Variants in MAP3K9 observed in about 807,000 individuals in gnomAD.
The protein encoded by MAP3K9 is mixed lineage kinase 1 (tyr and ser/thr specificity).
MAP3K9 carries 46 observed loss-of-function variants against 95.8 expected under a neutral mutation model. The observed-to-expected ratio is 0.48, with a 90% CI of 0.38 to 0.61. The LOEUF (loss-of-function observed/expected upper bound fraction) is 0.61. Among genes scored for constraint, MAP3K9 ranks in the 20% least tolerant of loss-of-function variants. The probability of loss-of-function intolerance (pLI) is 0.00; values close to 1 mark genes in which losing one functional copy is unlikely to be tolerated. For missense variants in MAP3K9, 1,296 were observed against 1,474.3 expected (o/e 0.88, Z 1.98); for synonymous variants, 533 against 593.8 (o/e 0.90, Z 1.49).
chr14:70,772,259 A>T (rs1176315697), intron 2 of MAP3K9, among the ~76,000 whole-genome samples: 1 of 152,224 alleles, frequency 6.6e-6, no homozygotes, highest in Admixed American at 6.5e-5. Flanking sequence ...AGCAGCCAAG[A>T]GTCCCTGCCA....
In MAP3K9 at chr14:70,730,112, G is replaced by A. The variant is rs926916106; in HGVS notation, c.*268C>T. On this transcript the variant is annotated 3_prime_UTR_variant, in exon 12 of 12. Transcript: ENST00000554752. The stretch of plus-strand genomic sequence containing the variant: ...CTCTAAAGGCAAGGAAGACTGTGGA[G>A]GGTGGGGGACATGCATGCACCCCTT... 6.4e-6 allele frequency: 3 copies of A among 469,476 alleles called. No individual in the cohort carries two copies. Among genetic ancestry groups the A allele is most frequent in the African/African-American group, 5.8e-5 (3 of 51,554 alleles). The allele number at this position is 469,476 out of a possible 1,614,324, so 29.1% of individuals were successfully genotyped here.
At chr14:70,790,539 C>T (rs1420975036) in intron 2 of MAP3K9, among the ~76,000 whole-genome samples, 2 of 152,218 alleles carry the variant, frequency 1.3e-5, no homozygotes, top group African/African-American at 4.8e-5. Flanking sequence ...CAGAACACCT[C>T]TTACACAGAT....
chr14:70,742,572 T>C lies in MAP3K9; in HGVS notation c.1346A>G (p.Glu449Gly). ...AKEKELRTWE[E>G]ELTRAALQQK... is the part of the protein sequence containing the mutation. ...CTGCAGTGCAGCCCGCGTCAGCTCCTCCTCCCAGGTGCGAAGTTCCTGCAG... is the reference window on the plus strand; with the variant it reads ...CTGCAGTGCAGCCCGCGTCAGCTCCCCCTCCCAGGTGCGAAGTTCCTGCAG... The change falls in exon 6 of 12, where the codon GAG becomes GGG. Residue 449 changes from glutamate (E) to glycine (G), a missense_variant. By Grantham distance (98) the Glu-to-Gly change is moderately conservative (BLOSUM62 -2). Coordinates refer to ENST00000554752, the MANE Select transcript of MAP3K9 (RefSeq NM_001284230.2). 6.2e-7 allele frequency: 1 copy of C among 1,614,008 alleles called. No individual in the cohort carries two copies. The highest frequency in any genetic ancestry group is 8.5e-7 in the Non-Finnish European group (1 of 1,179,962).
intron 2 of MAP3K9, among the ~76,000 whole-genome samples, chr14:70,799,798 C>T (rs543554154): frequency 6.6e-6 from 1 of 152,188 alleles, no homozygotes; most frequent in African/African-American, 2.4e-5. Context: ...ATGCTTCCCC[C>T]ACCCAAAGTC....
intron 2 of MAP3K9, among the ~76,000 whole-genome samples, chr14:70,791,700 C>T (rs2054809217): frequency 1.3e-5 from 2 of 152,242 alleles, no homozygotes; most frequent in South Asian, 4.1e-4. Flanking sequence ...AAAACTTCCT[C>T]AGAGAATTCT....
At chr14:70,779,144 TA>T (rs1400532956) in intron 2 of MAP3K9, among the ~76,000 whole-genome samples, 3 of 151,712 alleles carry the variant, frequency 2.0e-5, no homozygotes, top group African/African-American at 7.3e-5. Context: ...TTTCATGAGG[TA>T]GAAAGGGAGA....
At chr14:70,795,881 G>T (rs2054859268) in intron 2 of MAP3K9, among the ~76,000 whole-genome samples, 1 of 151,274 alleles carries the variant, frequency 6.6e-6, no homozygotes, top group Admixed American at 6.6e-5. Flanking sequence ...TCAGCCTCCC[G>T]AGTAGCTGGG....
intron 2 of MAP3K9, among the ~76,000 whole-genome samples, chr14:70,797,642 G>A (rs1197864886): frequency 1.3e-5 from 2 of 152,210 alleles, no homozygotes; most frequent in East Asian, 3.9e-4. Flanking sequence ...GGAGGCCGAG[G>A]CAGGAGAATT....
At chr14:70,782,684 T>C (rs2054696374) in intron 2 of MAP3K9, among the ~76,000 whole-genome samples, 1 of 152,256 alleles carries the variant, frequency 6.6e-6, no homozygotes. Flanking sequence ...AGCTTTGCTC[T>C]GACTCACTGT....
chr14:70,728,544 A>C lies in MAP3K9; in HGVS notation c.*1836T>G, dbSNP rs2053851634. 6.6e-6 allele frequency: 1 copy of C among 152,218 alleles called. No individual in the cohort carries two copies. The highest frequency in any genetic ancestry group is 2.4e-5 in the African/African-American group (1 of 41,454). The allele number at this position is 152,218 out of a possible 1,614,324, so 9.4% of individuals were successfully genotyped here. ...GCTCAGGAGTAGGGGAATGGGGACA[A>C]AAACAGTATCTTACATATTGGCTTC... On this transcript the variant is annotated 3_prime_UTR_variant, in exon 12 of 12. Transcript: ENST00000554752.
chr14:70,780,579 G>T (rs2054661857), intron 2 of MAP3K9, among the ~76,000 whole-genome samples: 1 of 152,108 alleles, frequency 6.6e-6, no homozygotes, highest in African/African-American at 2.4e-5. Context: ...CGTCAACTTG[G>T]ACACCTACAG....
At chr14:70,751,352 T>G (rs2054224784) in intron 3 of MAP3K9, among the ~76,000 whole-genome samples, 1 of 152,138 alleles carries the variant, frequency 6.6e-6, no homozygotes, top group Non-Finnish European at 1.5e-5. Flanking sequence ...TCTCCTTATG[T>G]TTTCAACACC....
chr14:70,782,084 C>T (rs2054685080), intron 2 of MAP3K9, among the ~76,000 whole-genome samples: 2 of 152,228 alleles, frequency 1.3e-5, no homozygotes, highest in East Asian at 1.9e-4. Context: ...CTAATTGTTC[C>T]ATCAAGGCCT....
chr14:70,771,410 G>GT (rs1465012297), intron 2 of MAP3K9, among the ~76,000 whole-genome samples: 3 of 152,076 alleles, frequency 2.0e-5, no homozygotes, highest in Non-Finnish European at 4.4e-5. Context: ...CTGGGAGGGT[G>GT]TAATAGAGGA....
intron 10 of MAP3K9, chr14:70,733,915 G>A (rs956861049): frequency 5.9e-6 from 4 of 676,882 alleles, no homozygotes; most frequent in Admixed American, 2.1e-5. Flanking sequence ...TCAGAGTCCA[G>A]GTTCTTCAGC....
chr14:70,733,452 C>T (rs902394697), intron 10 of MAP3K9, 110 bp from the exon 11 acceptor site: 1 of 612,240 alleles, frequency 1.6e-6, no homozygotes, highest in Middle Eastern at 2.8e-4. Flanking sequence ...GTCTCAGGGA[C>T]ACAAAGGTTC....
At chr14:70,789,604 G>C (rs537653447) in intron 2 of MAP3K9, among the ~76,000 whole-genome samples, 4 of 152,330 alleles carry the variant, frequency 2.6e-5, no homozygotes, top group African/African-American at 9.6e-5. Context: ...CCAATGTCAA[G>C]TGCTCAAGAA....
intron 2 of MAP3K9, among the ~76,000 whole-genome samples, chr14:70,794,759 C>A (rs1230343252): frequency 6.6e-6 from 1 of 151,482 alleles, no homozygotes; most frequent in Non-Finnish European, 1.5e-5. Context: ...CTCACTGCAA[C>A]TTCTGTCTCC....
At chr14:70,755,366 C>T (rs989904244) in intron 3 of MAP3K9, among the ~76,000 whole-genome samples, 2 of 152,220 alleles carry the variant, frequency 1.3e-5, no homozygotes, top group African/African-American at 2.4e-5. Flanking sequence ...CAGATGGTGG[C>T]ATAACTACAA....
Sources: allele counts gnomAD v4.1 joint callset (sites outside exome capture counted in the v4.1 genomes callset), GRCh38; gene constraint gnomAD v4.1.1; transcripts MANE v1.5; gene names NCBI Gene and HGNC (gene_info 2026-07-23, HGNC 2026-07-21).